NR3C2: variants seen among roughly 807,000 people sequenced by gnomAD.
NR3C2 encodes the protein nuclear receptor subfamily 3 group C member 2.
NR3C2 carries 15 observed loss-of-function variants against 86.4 expected under a neutral mutation model. That is an observed-to-expected ratio of 0.17 (90% CI 0.12 to 0.27). NR3C2 has a LOEUF of 0.27. Ranked by LOEUF, NR3C2 falls within the 10% of genes least tolerant of loss-of-function variation. The pLI is 1.00. For missense variants in NR3C2, 960 were observed against 1,195.6 expected (o/e 0.80, Z 2.91); for synonymous variants, 458 against 450.5 (o/e 1.02, Z -0.21).
At chr4:148,090,332 G>C (rs537486323) in intron 8 of NR3C2, among the ~76,000 whole-genome samples, 1 of 152,226 alleles carries the variant, frequency 6.6e-6, no homozygotes, top group African/African-American at 2.4e-5. Flanking sequence ...CCTGAAGGTC[G>C]CATGGCCATT....
At chr4:148,319,162 G>C (rs1316600694) in intron 2 of NR3C2, among the ~76,000 whole-genome samples, 1 of 151,284 alleles carries the variant, frequency 6.6e-6, no homozygotes, top group Non-Finnish European at 1.5e-5. Context: ...GTTTTTCTCA[G>C]GTTTGTCAAA....
chr4:148,178,197 G>A lies in NR3C2; in HGVS notation c.2014+16549C>T, dbSNP rs534456695. ...CTACTAAAAATTAGCTGGGTGTGGC[G>A]GAGCACGCCTGTAATACCAGCTAGT... On this transcript the variant is annotated intron_variant, in intron 4 of 8. Transcript: ENST00000358102. Among the ~76,000 whole-genome samples, 10 of 146,786 alleles carry A rather than the reference G, an allele frequency of 6.8e-5. No individual in the cohort carries two copies. In the East Asian group the frequency reaches 1.4e-3, roughly 20 times the overall value.
intron 4 of NR3C2, among the ~76,000 whole-genome samples, chr4:148,167,391 G>A (rs1042583344): frequency 1.3e-5 from 2 of 152,094 alleles, no homozygotes; most frequent in Non-Finnish European, 2.9e-5. Flanking sequence ...ATTTAAATGG[G>A]GCTAACAAAA....
chr4:148,426,859 T>C (rs1170023065), intron 2 of NR3C2, among the ~76,000 whole-genome samples: 5 of 152,188 alleles, frequency 3.3e-5, no homozygotes, highest in Non-Finnish European at 7.3e-5. Context: ...ATGAAGAATG[T>C]TTCCAATCAT....
At chr4:148,318,834 C>A (rs916011396) in intron 2 of NR3C2, among the ~76,000 whole-genome samples, 4 of 152,064 alleles carry the variant, frequency 2.6e-5, no homozygotes, top group Non-Finnish European at 5.9e-5. Context: ...GTTGCCTGAT[C>A]ACTCTGATGG....
At chr4:148,143,481 G>T (rs917507708) in intron 6 of NR3C2, among the ~76,000 whole-genome samples, 6 of 152,210 alleles carry the variant, frequency 3.9e-5, no homozygotes, top group African/African-American at 1.4e-4. Flanking sequence ...CCCATGAAGG[G>T]AGGGAATCTT....
At chr4:148,180,618 C>G (rs1735600846) in intron 4 of NR3C2, among the ~76,000 whole-genome samples, 2 of 151,926 alleles carry the variant, frequency 1.3e-5, no homozygotes, top group African/African-American at 4.8e-5. Context: ...ACTAGCAAAC[C>G]ATCTTTGGTG....
intron 2 of NR3C2, among the ~76,000 whole-genome samples, chr4:148,318,958 A>C (rs961676408): frequency 3.3e-5 from 5 of 151,144 alleles, no homozygotes; most frequent in African/African-American, 1.2e-4. Context: ...GCCCATGCCT[A>C]TGTCCTGAAT....
intron 3 of NR3C2, among the ~76,000 whole-genome samples, chr4:148,227,675 T>C (rs908688071): frequency 1.3e-5 from 2 of 152,200 alleles, no homozygotes; most frequent in Admixed American, 6.5e-5. Flanking sequence ...TCACCATTGA[T>C]AGATTTATTG....
chr4:148,133,489 TCA>T (rs1037275780), intron 6 of NR3C2, among the ~76,000 whole-genome samples: 39 of 152,332 alleles, frequency 2.6e-4, no homozygotes, highest in African/African-American at 8.9e-4. Flanking sequence ...ATAACTTTGT[TCA>T]CATTCTTGAA....
intron 6 of NR3C2, among the ~76,000 whole-genome samples, chr4:148,148,477 C>T (rs1277123845): frequency 2.0e-5 from 3 of 152,200 alleles, no homozygotes; most frequent in Non-Finnish European, 4.4e-5. Context: ...AATGGCTTTT[C>T]CACTGCTCTT....
chr4:148,099,167 G>A (rs1262505344), intron 8 of NR3C2, among the ~76,000 whole-genome samples: 1 of 152,222 alleles, frequency 6.6e-6, no homozygotes, highest in Non-Finnish European at 1.5e-5. Context: ...CTGCGTAACT[G>A]CGTAATTGGT....
intron 2 of NR3C2, among the ~76,000 whole-genome samples, chr4:148,414,530 A>G (rs1005445398): frequency 6.6e-6 from 1 of 152,202 alleles, no homozygotes; most frequent in Admixed American, 6.5e-5. Flanking sequence ...GCCTCTGTTC[A>G]GTTCAACTAA....
chr4:148,337,678 A>T (rs775804885), intron 2 of NR3C2, among the ~76,000 whole-genome samples: 1 of 152,204 alleles, frequency 6.6e-6, no homozygotes, highest in Non-Finnish European at 1.5e-5. Flanking sequence ...ATCTTTTAAC[A>T]ACTGAAAGGA....
chr4:148,254,193 T>A (rs577825491), intron 3 of NR3C2, among the ~76,000 whole-genome samples: 1 of 152,182 alleles, frequency 6.6e-6, no homozygotes, highest in Non-Finnish European at 1.5e-5. Context: ...AACAGCCAGA[T>A]CTTAAGTGCA....
Position 148,164,757 on chromosome 4 carries a change from T to C in NR3C2, c.2015-9856A>G, listed in dbSNP as rs61757913. Reference sequence around the variant, plus strand: ...AAATAGACTCATTAAGAATGTTTTATGAAGAAACATTACTGTTCTAACAAG... The same window carrying C: ...AAATAGACTCATTAAGAATGTTTTACGAAGAAACATTACTGTTCTAACAAG... On this transcript the variant is annotated intron_variant, in intron 4 of 8. Transcript: ENST00000358102. Among the ~76,000 whole-genome samples, 393 of 152,344 alleles carry C rather than the reference T, an allele frequency of 2.6e-3. 2 individuals are homozygous for C. Among genetic ancestry groups the C allele is most frequent in the Non-Finnish European group, 4.6e-3 (310 of 68,032 alleles).
intron 2 of NR3C2, among the ~76,000 whole-genome samples, chr4:148,432,127 A>G (rs903624122): frequency 3.9e-5 from 6 of 152,158 alleles, no homozygotes; most frequent in African/African-American, 1.4e-4. Flanking sequence ...ATATTTCCCC[A>G]AACAAAAATC....
chr4:148,148,425 G>T (rs1733965165), intron 6 of NR3C2, among the ~76,000 whole-genome samples: 1 of 152,138 alleles, frequency 6.6e-6, no homozygotes, highest in South Asian at 2.1e-4. Flanking sequence ...ATCTTTTCAA[G>T]AAGCAAATCT....
chr4:148,278,583 A>ACACC (rs1741078572), intron 2 of NR3C2, among the ~76,000 whole-genome samples: 4 of 151,924 alleles, frequency 2.6e-5, no homozygotes, highest in African/African-American at 9.7e-5. Context: ...GCGCGCACAC[A>ACACC]CACACCCACA....
Sources: gnomAD v4.1 joint callset for allele counts (sites outside exome capture counted in the v4.1 genomes callset) on GRCh38, gnomAD v4.1.1 for gene constraint, MANE v1.5 for transcripts, NCBI Gene and HGNC (gene_info 2026-07-23, HGNC 2026-07-21) for gene names.